The following FOXN3 variants were observed in gnomAD, a reference collection of about 807,000 sequenced individuals.
FOXN3 encodes forkhead box protein N3.
Under a neutral mutation model 38.4 loss-of-function variants are expected in FOXN3, and 7 were observed. The observed-to-expected ratio is 0.18, with a 90% CI of 0.10 to 0.34. FOXN3 has a LOEUF of 0.34. Ranked by LOEUF, FOXN3 falls within the 10% of genes least tolerant of loss-of-function variation. FOXN3 has a pLI of 1.00. For synonymous variants in FOXN3, 230 were observed against 242.2 expected, an observed-to-expected ratio of 0.95 and a Z score of 0.47; for missense variants, 456 against 613.4, an observed-to-expected ratio of 0.74 and a Z score of 2.71.
chr14:89,503,331 C>T (rs1227677968), intron 1 of FOXN3, among the ~76,000 whole-genome samples: 6 of 151,928 alleles, frequency 3.9e-5, no homozygotes, highest in Non-Finnish European at 8.8e-5. Flanking sequence ...ACCCATACAG[C>T]TGGTTTATCT....
intron 1 of FOXN3, among the ~76,000 whole-genome samples, chr14:89,580,428 T>C (rs1163222102): frequency 6.6e-6 from 1 of 152,220 alleles, no homozygotes; most frequent in Admixed American, 6.5e-5. Context: ...TGGGTAATTG[T>C]ATAAATACAG....
intron 1 of FOXN3, among the ~76,000 whole-genome samples, chr14:89,507,950 A>G (rs889070217): frequency 4.6e-5 from 7 of 152,222 alleles, no homozygotes; most frequent in Non-Finnish European, 1.0e-4. Context: ...TCACGCATGG[A>G]AAGTCATTCA....
At chr14:89,322,919 T>A (rs1381544794) in intron 3 of FOXN3, among the ~76,000 whole-genome samples, 4 of 152,112 alleles carry the variant, frequency 2.6e-5, no homozygotes, top group African/African-American at 9.7e-5. Flanking sequence ...TCTCAAGGAA[T>A]TTACATAAAA....
intron 4 of FOXN3, among the ~76,000 whole-genome samples, chr14:89,271,084 C>T (rs191435494): frequency 7.9e-5 from 12 of 152,234 alleles, no homozygotes; most frequent in African/African-American, 2.2e-4. Context: ...TCACGTGCAC[C>T]GCAGCAGGTA....
chr14:89,394,729 T>C (rs1379565819), intron 2 of FOXN3, among the ~76,000 whole-genome samples: 1 of 152,234 alleles, frequency 6.6e-6, no homozygotes, highest in Non-Finnish European at 1.5e-5. Context: ...ATTCCAGGAA[T>C]AGGATACCTG....
In FOXN3 at chr14:89,355,979, C is replaced by T. The variant is rs577784358; in HGVS notation, c.544-5171G>A. On this transcript the variant is annotated intron_variant, in intron 2 of 5. Transcript: ENST00000557258. ...GGCACCACCTCTGCCCAGGCCTGTT[C>T]TGCCCTGGCCAGGGAGGGATAGCCT... is the stretch of plus-strand genomic sequence containing the variant. Among the ~76,000 whole-genome samples, 6 of 151,468 alleles carry T rather than the reference C, an allele frequency of 4.0e-5. No individual in the cohort carries two copies. In the South Asian group the frequency reaches 1.3e-3, roughly 32 times the overall value.
chr14:89,310,311 C>T (rs1201243775), intron 3 of FOXN3, among the ~76,000 whole-genome samples: 3 of 152,150 alleles, frequency 2.0e-5, no homozygotes, highest in Admixed American at 6.6e-5. Context: ...CTCCACGAGG[C>T]GACAGAGTGC....
chr14:89,461,415 A>G (rs907268965), intron 1 of FOXN3, among the ~76,000 whole-genome samples: 2 of 151,996 alleles, frequency 1.3e-5, no homozygotes, highest in Admixed American at 6.6e-5. Flanking sequence ...GAATATACGC[A>G]CCAGGAGAAG....
At chr14:89,423,389 T>C (rs1042050036) in intron 1 of FOXN3, among the ~76,000 whole-genome samples, 1 of 152,228 alleles carries the variant, frequency 6.6e-6, no homozygotes, top group Admixed American at 6.5e-5. Context: ...CTCTGGCACT[T>C]AGTGAACACT....
chr14:89,596,279 AGGCACGTGCCACCAAGC>A (rs1896054901), intron 1 of FOXN3, among the ~76,000 whole-genome samples: 1 of 152,134 alleles, frequency 6.6e-6, no homozygotes, highest in Admixed American at 6.5e-5. Flanking sequence ...CTAGGATTAT[AGGCACGTGCCACCAAGC>A]CTAGCTCATT....
intron 1 of FOXN3, among the ~76,000 whole-genome samples, chr14:89,462,687 CTTTTT>C (rs1231830649): frequency 5.0e-5 from 7 of 140,300 alleles, no homozygotes; most frequent in Non-Finnish European, 9.4e-5. Context: ...TCCTCTTCTT[CTTTTT>C]TTTTTTTTTT....
At chr14:89,599,176 C>A (rs1182519105) in intron 1 of FOXN3, among the ~76,000 whole-genome samples, 1 of 152,146 alleles carries the variant, frequency 6.6e-6, no homozygotes, top group African/African-American at 2.4e-5. Context: ...TCAATTGCAT[C>A]TACTCTATTG....
chr14:89,467,554 A>T (rs1319902547), intron 1 of FOXN3, among the ~76,000 whole-genome samples: 8 of 139,682 alleles, frequency 5.7e-5, no homozygotes, highest in Non-Finnish European at 1.1e-4. Flanking sequence ...CATGCCCTTT[A>T]AAAAAAAAAA....
chr14:89,214,002 A>C (rs1053892975), intron 4 of FOXN3, among the ~76,000 whole-genome samples: 1 of 152,256 alleles, frequency 6.6e-6, no homozygotes, highest in Non-Finnish European at 1.5e-5. Flanking sequence ...TTAAAAACTA[A>C]GTCTCTTGGG....
rs758645630 is a variant in FOXN3 at position 89,250,842 on chromosome 14, T to C, written c.745+30108A>G. On this transcript the variant is annotated intron_variant, in intron 4 of 5. Coordinates refer to ENST00000557258, the MANE Select transcript of FOXN3 (RefSeq NM_005197.4). ...TGTCTCATGAGATCTGATGGTTTTA[T>C]AAAGGGGAGTTCCCCTGCACATGCT... Among the ~76,000 whole-genome samples, 5 of 152,190 alleles carry C rather than the reference T, an allele frequency of 3.3e-5. No individual in the cohort carries two copies. In the South Asian group the frequency reaches 1.0e-3, roughly 32 times the overall value.
At chr14:89,404,948 A>C (rs1264568852) in intron 2 of FOXN3, among the ~76,000 whole-genome samples, 2 of 152,086 alleles carry the variant, frequency 1.3e-5, no homozygotes, top group Non-Finnish European at 2.9e-5. Context: ...TTATTTATCC[A>C]AAAAAATAAT....
At chr14:89,324,443 CGTGTGTGT>C (rs71130053) in intron 3 of FOXN3, among the ~76,000 whole-genome samples, 14,691 of 143,358 alleles carry the variant, frequency 0.1, 730 homozygotes, top group East Asian at 0.14. Flanking sequence ...TAAGTGTGTG[CGTGTGTGT>C]GTGTGTGTGT....
intron 2 of FOXN3, among the ~76,000 whole-genome samples, chr14:89,359,909 A>C (rs570551377): frequency 9.8e-5 from 15 of 152,288 alleles, no homozygotes; most frequent in Non-Finnish European, 1.6e-4. Flanking sequence ...CGGATCCTTG[A>C]GCTCATGGTG....
At chr14:89,325,581 G>C (rs1953379246) in intron 3 of FOXN3, among the ~76,000 whole-genome samples, 1 of 152,216 alleles carries the variant, frequency 6.6e-6, no homozygotes, top group African/African-American at 2.4e-5. Flanking sequence ...GAAGGGAAAG[G>C]AGTTGTAAAC....
Sources: allele counts gnomAD v4.1 joint callset (sites outside exome capture counted in the v4.1 genomes callset), GRCh38; gene constraint gnomAD v4.1.1; transcripts MANE v1.5; gene names NCBI Gene and HGNC (gene_info 2026-07-23, HGNC 2026-07-21).